Variants in GTF3C1 observed in about 807,000 individuals in gnomAD.
The protein encoded by GTF3C1 is general transcription factor IIIC subunit 1.
In GTF3C1, 57 loss-of-function variants were observed where a neutral mutation model predicts 226.7. The observed-to-expected ratio is 0.25, with a 90% CI of 0.20 to 0.31. The LOEUF is 0.31. GTF3C1 is among the 10% of genes least tolerant of loss of function. GTF3C1 has a pLI of 1.00. For missense variants in GTF3C1, 2,217 were observed against 2,776.1 expected (o/e 0.80, Z 4.53); for synonymous variants, 1,090 against 1,084.8 (o/e 1.00, Z -0.09).
chr16:27,481,731 C>T (rs767086712), intron 26 of GTF3C1, among the ~76,000 whole-genome samples: 5 of 152,212 alleles, frequency 3.3e-5, no homozygotes, highest in Non-Finnish European at 7.3e-5. Context: ...CCCGCTCCTC[C>T]CTGGCCTGGT....
chr16:27,548,428 G>A (rs2089199479), intron 1 of GTF3C1, among the ~76,000 whole-genome samples: 1 of 152,140 alleles, frequency 6.6e-6, no homozygotes, highest in Non-Finnish European at 1.5e-5. Flanking sequence ...CACCACGCCA[G>A]GCTAATTTTT....
intron 24 of GTF3C1, among the ~76,000 whole-genome samples, chr16:27,485,509 G>C (rs1318694405): frequency 1.3e-5 from 2 of 152,220 alleles, no homozygotes; most frequent in African/African-American, 2.4e-5. Context: ...GTTACAGGAA[G>C]GTAAATTGGA....
At position 27,489,063 on chromosome 16, in the gene GTF3C1, T is replaced by A. The variant is rs775869105; in HGVS notation, c.3409A>T (p.Ile1137Phe). The A allele has an allele frequency of 6.2e-7, 1 of 1,614,094 alleles. No individual in the cohort carries two copies. The highest frequency in any genetic ancestry group is 8.5e-7 in the Non-Finnish European group (1 of 1,179,976). Reference protein sequence around the residue: ...LKRNWIWTSYIINQAKKENTA... With the variant: ...LKRNWIWTSYFINQAKKENTA... ...CCCACCTTTTTGGCCTGGTTGATGA[T>A]GTAGCTGGTCCAGATCCAGTTGCGC... The change falls in exon 21 of 37, where the codon ATC becomes TTC. Residue 1137 changes from isoleucine to phenylalanine, a missense_variant. Physicochemically the swap from Ile to Phe is conservative, Grantham distance 21. Coordinates refer to ENST00000356183, the MANE Select transcript of GTF3C1 (RefSeq NM_001520.4).
chr16:27,489,014 G>T, intron 21 of GTF3C1, 29 bp downstream of exon 21: 1 of 1,606,506 alleles, frequency 6.2e-7, no homozygotes, highest in Non-Finnish European at 8.5e-7. Flanking sequence ...GGACCCCTGA[G>T]ATTGTAGTCC....
intron 20 of GTF3C1, among the ~76,000 whole-genome samples, 198 bp from the exon 21 acceptor site, chr16:27,489,376 G>C (rs1423423552): frequency 1.3e-5 from 2 of 152,220 alleles, no homozygotes; most frequent in Non-Finnish European, 2.9e-5. Context: ...CAAAAATCCA[G>C]ATTTTTATAT....
At chr16:27,480,795 G>A (rs2088032627) in intron 27 of GTF3C1, 1 of 388,368 alleles carries the variant, frequency 2.6e-6, no homozygotes, top group Non-Finnish European at 4.7e-6. Context: ...ACTTACATAG[G>A]AATTTCCTCA....
At chr16:27,495,556 T>C in intron 14 of GTF3C1, 64 bp from the exon 15 acceptor site, 1 of 1,464,442 alleles carries the variant, frequency 6.8e-7, no homozygotes, top group Non-Finnish European at 9.3e-7. Context: ...TTTTAATTCA[T>C]TAAAAAATGA....
intron 7 of GTF3C1, among the ~76,000 whole-genome samples, 184 bp from the exon 8 acceptor site, chr16:27,508,839 T>C (rs537877145): frequency 3.8e-4 from 58 of 152,300 alleles, no homozygotes; most frequent in African/African-American, 1.3e-3. Flanking sequence ...CTGAGTAATA[T>C]ACTATACTAG....
intron 11 of GTF3C1, 85 bp from the exon 12 acceptor site, chr16:27,501,429 C>T (rs1262781389): frequency 1.2e-5 from 14 of 1,212,294 alleles, no homozygotes; most frequent in African/African-American, 1.5e-5. Context: ...ACATGCCTCA[C>T]GGTACCCAAT....
intron 12 of GTF3C1, among the ~76,000 whole-genome samples, chr16:27,500,311 G>A (rs1319700566): frequency 1.3e-5 from 2 of 151,946 alleles, no homozygotes; most frequent in Non-Finnish European, 2.9e-5. Context: ...GGGGGCCAGG[G>A]GACATTATTG....
At chr16:27,502,728 G>A (rs1218368517) in intron 11 of GTF3C1, 131 bp downstream of exon 11, 15 of 920,680 alleles carry the variant, frequency 1.6e-5, no homozygotes, top group Middle Eastern at 2.2e-4. Flanking sequence ...GCAAAGGAAC[G>A]AGATGAGAAT....
Position 27,492,698 on chromosome 16 carries a change from CGAAAAAATGTAACGCCTA to C in GTF3C1, c.2877-3_2891del. 1 of 1,591,506 alleles carries C rather than the reference CGAAAAAATGTAACGCCTA, an allele frequency of 6.3e-7. No individual in the cohort carries two copies. The highest frequency in any genetic ancestry group is 1.7e-5 in the Admixed American group (1 of 59,996). On this transcript the variant is annotated splice_acceptor_variant and splice_polypyrimidine_tract_variant and coding_sequence_variant and intron_variant, in exon 18 of 37. Transcript: ENST00000356183. LOFTEE classifies it high-confidence loss of function. The surrounding 1 kb of genome is among the most constrained non-coding windows in gnomAD (Gnocchi z 5.0). ...ACAGCCTCTGAAGGTTCTCCACCAC[CGAAAAAATGTAACGCCTA>C]GAAAACAGAGGGGGCGGGAGGTTCT...
At position 27,463,389 on chromosome 16, in the gene GTF3C1, C is replaced by G. The variant is rs2087733319; in HGVS notation, c.5924+152G>C. 1 of 670,032 alleles carries G rather than the reference C, an allele frequency of 1.5e-6. No individual in the cohort carries two copies. Among genetic ancestry groups the G allele is most frequent in the African/African-American group, 1.8e-5 (1 of 55,568 alleles). 41.5% of individuals were successfully genotyped at this position (670,032 alleles called of 1,614,324 possible). A position where few individuals can be genotyped will look rare whatever the true frequency, so the allele number is the denominator to read the frequency against. On this transcript the variant is annotated intron_variant, in intron 35 of 36. Transcript: ENST00000356183. This position sits in a 1 kb window ranked among gnomAD's most constrained non-coding sequence, Gnocchi z 4.9. ...CGCCTGCTGCTCGCCCACTGCGCCC[C>G]TCCAAGTACCCCTGCCAAGAACCAA...
At chr16:27,488,924 C>A (rs2088187099) in intron 21 of GTF3C1, 119 bp downstream of exon 21, 1 of 922,792 alleles carries the variant, frequency 1.1e-6, no homozygotes, top group Non-Finnish European at 1.7e-6. Flanking sequence ...ATTTAAGGGG[C>A]CTGACGCACC....
At position 27,470,236 on chromosome 16, in the gene GTF3C1, G is replaced by A. The variant is rs576044105; in HGVS notation, c.4686C>T (p.Asp1562=). The change falls in exon 31 of 37, where the codon GAC becomes GAT. Residue 1562 remains aspartate (D), a synonymous_variant. Transcript: ENST00000356183. This position sits in a 1 kb window ranked among gnomAD's most constrained non-coding sequence, Gnocchi z 4.9. ...PTNDMVAFSL[D]GPGGNCVAVL... ...CGGCCACACAATTTCCTCCAGGGCCGTCCAGTGAAAAGGCCACCATGTCGT... is the reference window on the plus strand; with the variant it reads ...CGGCCACACAATTTCCTCCAGGGCCATCCAGTGAAAAGGCCACCATGTCGT... The A allele has an allele frequency of 7.2e-5, 116 of 1,613,520 alleles. 1 individual carries two copies. In the Admixed American group the frequency reaches 1.2e-3, roughly 17 times the overall value.
chr16:27,478,696 T>C lies in GTF3C1; in HGVS notation c.4197-165A>G, dbSNP rs1387769134. On this transcript the variant is annotated intron_variant, in intron 27 of 36. Coordinates refer to ENST00000356183, the MANE Select transcript of GTF3C1 (RefSeq NM_001520.4). ...GTGCATGTAAATTAAAATGAGAATA[T>C]ACCCTGTCCTGCCTGTTATAAAAAG... is the stretch of plus-strand genomic sequence containing the variant. The C allele has an allele frequency of 2.0e-5, 13 of 639,996 alleles. No homozygotes were observed. In the East Asian group the frequency reaches 3.3e-4, roughly 16 times the overall value. 39.6% of individuals were successfully genotyped at this position (639,996 alleles called of 1,614,324 possible).
chr16:27,531,597 C>T (rs747292066), intron 5 of GTF3C1, among the ~76,000 whole-genome samples: 7 of 152,252 alleles, frequency 4.6e-5, no homozygotes, highest in Non-Finnish European at 7.3e-5. Context: ...TTGTGGAACA[C>T]AGTTCTAACT....
chr16:27,506,139 A>G (rs998844280), intron 9 of GTF3C1, 23 bp from the exon 10 acceptor site: 16 of 1,446,048 alleles, frequency 1.1e-5, no homozygotes, highest in African/African-American at 1.4e-5. Context: ...GAAGAGATAG[A>G]ACAAATCAAG....
intron 6 of GTF3C1, among the ~76,000 whole-genome samples, chr16:27,516,304 GAAC>G (rs1431365312): frequency 1.3e-5 from 2 of 152,214 alleles, no homozygotes; most frequent in Non-Finnish European, 2.9e-5. Flanking sequence ...CTGTGCAACA[GAAC>G]AATAGGCATC....
Sources: allele counts gnomAD v4.1 joint callset (sites outside exome capture counted in the v4.1 genomes callset), GRCh38; gene constraint gnomAD v4.1.1; non-coding constraint Gnocchi (gnomAD v3.1); transcripts MANE v1.5; gene names NCBI Gene and HGNC (gene_info 2026-07-23, HGNC 2026-07-21).